The following RAB17 variants were observed in gnomAD, a reference collection of about 807,000 sequenced individuals.
RAB17 encodes the protein RAB17, member RAS oncogene family, also known as ras-related protein Rab-17.
A neutral mutation model predicts 19.3 loss-of-function variants in RAB17; 15 were observed. The observed-to-expected ratio is 0.78, with a 90% CI of 0.52 to 1.20. RAB17 has a LOEUF of 1.20. RAB17 is among the 50% of genes most tolerant of loss of function. The pLI is 0.00. For synonymous variants in RAB17, 110 were observed against 112.8 expected, an observed-to-expected ratio of 0.97 and a Z score of 0.16; for missense variants, 262 against 269.3, an observed-to-expected ratio of 0.97 and a Z score of 0.19.
chr2:237,582,001 T>C (rs1381486281), intron 2 of RAB17, among the ~76,000 whole-genome samples: 1 of 152,254 alleles, frequency 6.6e-6, no homozygotes, highest in African/African-American at 2.4e-5. Context: ...CCAGCCCCCG[T>C]CCCTGACACA....
intron 4 of RAB17, among the ~76,000 whole-genome samples, chr2:237,577,020 G>T (rs1311039027): frequency 6.6e-6 from 1 of 152,112 alleles, no homozygotes; most frequent in Non-Finnish European, 1.5e-5. Context: ...GGAAAGCTGT[G>T]TGTGTGTGCG....
At chr2:237,587,702 C>T (rs997647669) in intron 1 of RAB17, among the ~76,000 whole-genome samples, 1 of 152,066 alleles carries the variant, frequency 6.6e-6, no homozygotes, top group African/African-American at 2.4e-5. Flanking sequence ...ACATAGTAGA[C>T]TCGGGTGGTT....
At chr2:237,582,632 C>G (rs2081317422) in intron 2 of RAB17, among the ~76,000 whole-genome samples, 1 of 152,168 alleles carries the variant, frequency 6.6e-6, no homozygotes, top group South Asian at 2.1e-4. Context: ...TACCCTCTCC[C>G]CTGGACAGGA....
Position 237,577,321 on chromosome 2 carries a change from TCTC to T in RAB17, c.368_370del (p.Gly123del). ...GTTGCCCACCAGCATCACCAGGACT[TCTC>T]CTGGGTGCAGCTCCTCCTCCAGGTC... On this transcript the variant is annotated inframe_deletion, in exon 4 of 6. Coordinates refer to ENST00000264601, the MANE Select transcript of RAB17 (RefSeq NM_022449.4). The T allele has an allele frequency of 6.2e-7, 1 of 1,613,794 alleles. No homozygotes were observed. Among genetic ancestry groups the T allele is most frequent in the Non-Finnish European group, 8.5e-7 (1 of 1,179,836 alleles).
rs770765519 is a variant in RAB17 at position 237,577,246 on chromosome 2, C to T, written c.435+11G>A. ...CTGTGGAAGAGCAGAGCAGGGTCTC[C>T]TGGGCGGTACCTGGAAGGTCACCTC... On this transcript the variant is annotated intron_variant, in intron 4 of 5. Coordinates refer to ENST00000264601, the MANE Select transcript of RAB17 (RefSeq NM_022449.4). 6.2e-7 allele frequency: 1 copy of T among 1,610,096 alleles called. No individual in the cohort carries two copies. Among genetic ancestry groups the T allele is most frequent in the Admixed American group, 1.7e-5 (1 of 59,826 alleles).
intron 3 of RAB17, 118 bp downstream of exon 3, chr2:237,577,886 G>C: frequency 8.4e-7 from 1 of 1,189,798 alleles, no homozygotes; most frequent in East Asian, 2.4e-5. Context: ...GGAGGTGACT[G>C]TTGCTCACTA....
Position 237,590,731 on chromosome 2 carries a change from G to C in RAB17, c.-268C>G, listed in dbSNP as rs1411909550. The C allele has an allele frequency of 6.5e-6, 1 of 153,406 alleles. No individual in the cohort carries two copies. The highest frequency in any genetic ancestry group is 1.5e-5 in the Non-Finnish European group (1 of 68,932). 9.5% of individuals were successfully genotyped at this position (153,406 alleles called of 1,614,324 possible). On this transcript the variant is annotated 5_prime_UTR_variant, in exon 1 of 6. Transcript: ENST00000264601. ...CCTCTTCTCCTCCCAGAAGGTTTCA[G>C]GGCAAAGTCCACAGTGGTCATGTGG...
chr2:237,588,502 G>C (rs1489148723), intron 1 of RAB17, among the ~76,000 whole-genome samples: 1 of 152,154 alleles, frequency 6.6e-6, no homozygotes, highest in African/African-American at 2.4e-5. Context: ...AAGTCAGCTG[G>C]GGACAGGCTC....
intron 2 of RAB17, among the ~76,000 whole-genome samples, chr2:237,583,374 T>C (rs1418996979): frequency 6.6e-6 from 1 of 152,146 alleles, no homozygotes; most frequent in African/African-American, 2.4e-5. Context: ...CATCTATCCA[T>C]AGTTACAGTA....
intron 3 of RAB17, chr2:237,577,623 G>A (rs1407366997): frequency 2.0e-6 from 1 of 509,748 alleles, no homozygotes; most frequent in Non-Finnish European, 3.5e-6. Context: ...CCCTGACCAG[G>A]CCCAGGAGAC....
intron 2 of RAB17, chr2:237,585,390 G>A (rs1296202181): frequency 1.2e-5 from 2 of 169,274 alleles, no homozygotes; most frequent in Non-Finnish European, 2.9e-5. Context: ...AGCAGGATGG[G>A]AAGGAGGCCA....
chr2:237,575,625 G>C (rs571582972), intron 4 of RAB17, 145 bp from the exon 5 acceptor site: 1 of 645,792 alleles, frequency 1.5e-6, no homozygotes, highest in Non-Finnish European at 2.7e-6. Context: ...TGTGTTTCTT[G>C]GCACTCCTGA....
chr2:237,580,141 T>C (rs1468662133), intron 2 of RAB17, among the ~76,000 whole-genome samples: 2 of 152,234 alleles, frequency 1.3e-5, no homozygotes, highest in Non-Finnish European at 2.9e-5. Flanking sequence ...AGCTTCCTCA[T>C]CCATAGCAGG....
chr2:237,586,254 T>A, intron 1 of RAB17, 97 bp from the exon 2 acceptor site: 6 of 1,343,806 alleles, frequency 4.5e-6, no homozygotes, highest in Non-Finnish European at 5.0e-6. Context: ...CAGGAGCAGA[T>A]GGCCCAATAC....
intron 1 of RAB17, among the ~76,000 whole-genome samples, chr2:237,588,934 A>AT (rs2081371066): frequency 1.3e-5 from 2 of 152,140 alleles, no homozygotes; most frequent in African/African-American, 4.8e-5. Context: ...AAGTTATTTT[A>AT]TTTTTGGGCT....
intron 2 of RAB17, among the ~76,000 whole-genome samples, chr2:237,582,746 C>T (rs1451986298): frequency 6.6e-6 from 1 of 152,256 alleles, no homozygotes; most frequent in Non-Finnish European, 1.5e-5. Flanking sequence ...TCCCCCAAAG[C>T]ACGTAAGTTA....
At chr2:237,584,254 A>G (rs2081331266) in intron 2 of RAB17, among the ~76,000 whole-genome samples, 1 of 151,972 alleles carries the variant, frequency 6.6e-6, no homozygotes, top group Non-Finnish European at 1.5e-5. Flanking sequence ...AGCACGTCCA[A>G]GCACGTCTCA....
chr2:237,582,812 A>C (rs2081318460), intron 2 of RAB17, among the ~76,000 whole-genome samples: 1 of 152,262 alleles, frequency 6.6e-6, no homozygotes, highest in Admixed American at 6.5e-5. Flanking sequence ...CCACATTTAT[A>C]ATATGTGATC....
At chr2:237,587,959 T>G (rs908862567) in intron 1 of RAB17, among the ~76,000 whole-genome samples, 1 of 152,206 alleles carries the variant, frequency 6.6e-6, no homozygotes, top group Non-Finnish European at 1.5e-5. Flanking sequence ...GGGAACAGTG[T>G]CTAGCACATA....
Sources: allele counts gnomAD v4.1 joint callset (sites outside exome capture counted in the v4.1 genomes callset), GRCh38; gene constraint gnomAD v4.1.1; transcripts MANE v1.5; gene names NCBI Gene and HGNC (gene_info 2026-07-23, HGNC 2026-07-21).